Variants in FAM171A1 observed in about 807,000 individuals in gnomAD.
FAM171A1 encodes the protein family with sequence similarity 171 member A1.
In FAM171A1, 23 loss-of-function variants were observed where a neutral mutation model predicts 74.9. That is an observed-to-expected ratio of 0.31 (90% CI 0.22 to 0.44). The LOEUF (loss-of-function observed/expected upper bound fraction) is 0.44. Ranked by LOEUF, FAM171A1 falls within the 20% of genes least tolerant of loss-of-function variation. The probability of loss-of-function intolerance (pLI) is 1.00; values close to 1 mark genes in which losing one functional copy is unlikely to be tolerated. For missense variants in FAM171A1, 1,162 were observed against 1,159.2 expected (o/e 1.00, Z -0.03); for synonymous variants, 527 against 505.7 (o/e 1.04, Z -0.57).
intron 1 of FAM171A1, among the ~76,000 whole-genome samples, chr10:15,302,998 G>A (rs1252772110): frequency 6.6e-6 from 1 of 152,148 alleles, no homozygotes; most frequent in African/African-American, 2.4e-5. Flanking sequence ...AGACAAGCCT[G>A]GCCAATATGG....
chr10:15,213,926 G>A lies in FAM171A1; in HGVS notation c.1662C>T (p.Phe554=). The A allele has an allele frequency of 1.2e-6, 2 of 1,614,188 alleles. No homozygotes were observed. Among genetic ancestry groups the A allele is most frequent in the Non-Finnish European group, 8.5e-7 (1 of 1,180,034 alleles). Residue 554 remains phenylalanine, a synonymous_variant, in exon 8 of 8, where the codon TTC becomes TTT. Coordinates refer to ENST00000378116, the MANE Select transcript of FAM171A1 (RefSeq NM_001010924.2). This position sits in a 1 kb window ranked among gnomAD's most constrained non-coding sequence, Gnocchi z 6.8. The part of the protein sequence containing the change: ...SVDHLERPTS[F]PRPGQLICCS... Reference sequence around the variant, plus strand: ...AGCAGATTAACTGGCCGGGCCGTGGGAAGGACGTAGGTCTCTCGAGGTGAT... The same window carrying A: ...AGCAGATTAACTGGCCGGGCCGTGGAAAGGACGTAGGTCTCTCGAGGTGAT...
chr10:15,281,854 G>A (rs1197562089), intron 2 of FAM171A1, among the ~76,000 whole-genome samples: 1 of 151,934 alleles, frequency 6.6e-6, no homozygotes, highest in African/African-American at 2.4e-5. Context: ...GAATGAGACT[G>A]TCTCCAAAAA....
chr10:15,244,888 T>A lies in FAM171A1; in HGVS notation c.754+3751A>T, dbSNP rs547135529. Among the ~76,000 whole-genome samples the A allele has an allele frequency of 2.6e-5, 4 of 152,276 alleles. No individual in the cohort carries two copies. In the South Asian group the frequency reaches 8.3e-4, roughly 32 times the overall value. ...GGGGAGGAGACTGGAAAGGATCGGC[T>A]GTGCTCGTGAAAGTGACAAGCTGTC... On this transcript the variant is annotated intron_variant, in intron 5 of 7. Transcript: ENST00000378116.
intron 1 of FAM171A1, among the ~76,000 whole-genome samples, chr10:15,342,765 T>G (rs1835779206): frequency 6.6e-6 from 1 of 152,206 alleles, no homozygotes; most frequent in African/African-American, 2.4e-5. Flanking sequence ...TGAATTTTAA[T>G]TCAGATTTGA....
At chr10:15,331,212 C>T (rs2131858953) in intron 1 of FAM171A1, among the ~76,000 whole-genome samples, 1 of 152,212 alleles carries the variant, frequency 6.6e-6, no homozygotes, top group South Asian at 2.1e-4. Flanking sequence ...CACACACATG[C>T]ATGCATATAT....
chr10:15,270,429 T>G (rs1207190048), intron 3 of FAM171A1, among the ~76,000 whole-genome samples: 1 of 152,176 alleles, frequency 6.6e-6, no homozygotes, highest in East Asian at 1.9e-4. Flanking sequence ...CCTGCCTGCC[T>G]CTGTAGACTC....
chr10:15,228,043 A>G (rs1351623274), intron 5 of FAM171A1, among the ~76,000 whole-genome samples: 4 of 152,190 alleles, frequency 2.6e-5, no homozygotes, highest in African/African-American at 9.6e-5. Flanking sequence ...AATGGCCATC[A>G]AAAGAGAAAA....
chr10:15,312,857 G>A (rs1018496705), intron 1 of FAM171A1, among the ~76,000 whole-genome samples: 7 of 151,386 alleles, frequency 4.6e-5, no homozygotes, highest in African/African-American at 9.7e-5. Flanking sequence ...CACCACGCCC[G>A]GTTAATTTTT....
intron 1 of FAM171A1, among the ~76,000 whole-genome samples, chr10:15,339,533 T>C (rs1450453177): frequency 6.6e-6 from 1 of 152,174 alleles, no homozygotes; most frequent in African/African-American, 2.4e-5. Flanking sequence ...TTTGACATCA[T>C]GACAGAATGG....
chr10:15,327,189 T>G (rs1195458714), intron 1 of FAM171A1, among the ~76,000 whole-genome samples: 1 of 152,148 alleles, frequency 6.6e-6, no homozygotes, highest in Non-Finnish European at 1.5e-5. Flanking sequence ...CAATCCCAGC[T>G]CTACCCATTA....
chr10:15,283,730 G>A (rs992311185), intron 2 of FAM171A1, 148 bp downstream of exon 2: 45 of 722,238 alleles, frequency 6.2e-5, no homozygotes, highest in Middle Eastern at 3.9e-4. Flanking sequence ...GACTACAGGT[G>A]CACACTATGA....
At chr10:15,224,007 A>C (rs1032837634) in intron 5 of FAM171A1, among the ~76,000 whole-genome samples, 1 of 152,262 alleles carries the variant, frequency 6.6e-6, no homozygotes, top group Non-Finnish European at 1.5e-5. Flanking sequence ...TGAGTCCCCA[A>C]GTTCACTCTG....
chr10:15,228,851 G>A lies in FAM171A1; in HGVS notation c.755-7791C>T, dbSNP rs560200203. Among the ~76,000 whole-genome samples, 8 of 152,298 alleles carry A rather than the reference G, an allele frequency of 5.3e-5. No homozygotes were observed. In the East Asian group the frequency reaches 1.2e-3, roughly 22 times the overall value. ...GGATGACACAGAAGAGGAGCTGAAC[G>A]TCCCTGTGACATCACTGAACCACTG... On this transcript the variant is annotated intron_variant, in intron 5 of 7. Transcript: ENST00000378116.
intron 1 of FAM171A1, among the ~76,000 whole-genome samples, chr10:15,313,999 T>C (rs1835394164): frequency 6.6e-6 from 1 of 152,226 alleles, no homozygotes; most frequent in South Asian, 2.1e-4. Flanking sequence ...TGGCCTCTCC[T>C]CCTGTTATCT....
intron 1 of FAM171A1, among the ~76,000 whole-genome samples, chr10:15,323,964 A>G (rs933088141): frequency 6.6e-6 from 1 of 152,222 alleles, no homozygotes; most frequent in Non-Finnish European, 1.5e-5. Context: ...CACATAGAGC[A>G]TAAACCATTT....
intron 6 of FAM171A1, among the ~76,000 whole-genome samples, chr10:15,218,707 G>A (rs1206833119): frequency 6.6e-6 from 1 of 152,066 alleles, no homozygotes; most frequent in African/African-American, 2.4e-5. Context: ...GGATCCTCCT[G>A]CCTCAACCTC....
chr10:15,310,723 G>A (rs1000437886), intron 1 of FAM171A1, among the ~76,000 whole-genome samples: 32 of 152,064 alleles, frequency 2.1e-4, no homozygotes, highest in Admixed American at 7.2e-4. Flanking sequence ...TTAGCCAGGC[G>A]TGGTGGCGCG....
At chr10:15,300,602 C>A (rs1449577951) in intron 1 of FAM171A1, among the ~76,000 whole-genome samples, 1 of 125,884 alleles carries the variant, frequency 7.9e-6, no homozygotes, top group Non-Finnish European at 1.7e-5. Flanking sequence ...CCCCCTCCCA[C>A]CCCCCAAAAA....
At chr10:15,220,785 A>G (rs6602827) in intron 6 of FAM171A1, among the ~76,000 whole-genome samples, 159 bp downstream of exon 6, 76,649 of 152,056 alleles carry the variant, frequency 0.5, 21,212 homozygotes, top group African/African-American at 0.74. Flanking sequence ...CCACCCCCGC[A>G]AAATACCTTC....
Sources: gnomAD v4.1 joint callset for allele counts (sites outside exome capture counted in the v4.1 genomes callset) on GRCh38, gnomAD v4.1.1 for gene constraint, Gnocchi (gnomAD v3.1) non-coding constraint, MANE v1.5 for transcripts, NCBI Gene and HGNC (gene_info 2026-07-23, HGNC 2026-07-21) for gene names.